Variants in PITPNM3 observed in about 807,000 individuals in gnomAD.
The protein encoded by PITPNM3 is membrane-associated phosphatidylinositol transfer protein 3.
Under a neutral mutation model 102.0 loss-of-function variants are expected in PITPNM3, and 26 were observed. The observed-to-expected ratio is 0.25, with a 90% confidence interval of 0.19 to 0.35. PITPNM3 has a LOEUF of 0.35. PITPNM3 is among the 10% of genes least tolerant of loss of function. PITPNM3 has a pLI of 1.00. For synonymous variants in PITPNM3, 578 were observed against 558.6 expected (o/e 1.03, Z -0.49); for missense variants, 1,083 against 1,346.1 (o/e 0.80, Z 3.06).
At chr17:6,506,507 G>A (rs1422122703) in intron 3 of PITPNM3, among the ~76,000 whole-genome samples, 1 of 151,878 alleles carries the variant, frequency 6.6e-6, no homozygotes, top group Non-Finnish European at 1.5e-5. Flanking sequence ...AAGTAGCTGG[G>A]ACTACAGGCA....
At chr17:6,552,817 A>G (rs1468416907) in intron 1 of PITPNM3, among the ~76,000 whole-genome samples, 3 of 122,058 alleles carry the variant, frequency 2.5e-5, no homozygotes, top group Admixed American at 1.1e-4. Flanking sequence ...CCCAGGCTGG[A>G]GTGCAACGGC....
At chr17:6,474,789 G>T (rs1198673753) in intron 9 of PITPNM3, among the ~76,000 whole-genome samples, 185 bp from the exon 10 acceptor site, 1 of 152,242 alleles carries the variant, frequency 6.6e-6, no homozygotes, top group African/African-American at 2.4e-5. Context: ...AGGCCTGGCT[G>T]ATATTTGGCT....
chr17:6,477,927 CT>C, intron 8 of PITPNM3, 47 bp downstream of exon 8: 1 of 1,605,872 alleles, frequency 6.2e-7, no homozygotes. Context: ...GGGGCAGGCC[CT>C]GCTCCTATGG....
chr17:6,527,474 T>A (rs1908899574), intron 2 of PITPNM3, among the ~76,000 whole-genome samples: 2 of 152,194 alleles, frequency 1.3e-5, no homozygotes, highest in Non-Finnish European at 2.9e-5. Flanking sequence ...CATGATGGTA[T>A]CATCATCACC....
At chr17:6,534,905 C>T (rs1349732481) in intron 2 of PITPNM3, among the ~76,000 whole-genome samples, 2 of 152,038 alleles carry the variant, frequency 1.3e-5, no homozygotes, top group African/African-American at 2.4e-5. Flanking sequence ...CAGGGCAGCA[C>T]GAAGCCCAGG....
At chr17:6,545,756 C>A (rs1909987511) in intron 1 of PITPNM3, among the ~76,000 whole-genome samples, 1 of 152,162 alleles carries the variant, frequency 6.6e-6, no homozygotes, top group South Asian at 2.1e-4. Flanking sequence ...GGGTGCCTGT[C>A]TCCTTGTGGG....
At chr17:6,508,633 G>A (rs1436221917) in intron 3 of PITPNM3, among the ~76,000 whole-genome samples, 1 of 152,170 alleles carries the variant, frequency 6.6e-6, no homozygotes, top group Non-Finnish European at 1.5e-5. Context: ...TTTGCAAGGG[G>A]TGCAGAGAGG....
intron 1 of PITPNM3, among the ~76,000 whole-genome samples, chr17:6,545,568 G>C (rs575039842): frequency 1.8e-4 from 28 of 152,270 alleles, no homozygotes; most frequent in Admixed American, 7.2e-4. Flanking sequence ...AGCAGCCTGG[G>C]CTTCAGCAGC....
At chr17:6,461,010 C>T in intron 18 of PITPNM3, 1 of 348,662 alleles carries the variant, frequency 2.9e-6, no homozygotes, top group South Asian at 2.6e-5. Context: ...AAAGCACATC[C>T]TCTGCCCCCC....
chr17:6,466,015 G>T (rs999739340), intron 14 of PITPNM3, among the ~76,000 whole-genome samples: 1 of 152,178 alleles, frequency 6.6e-6, no homozygotes, highest in Non-Finnish European at 1.5e-5. Context: ...TGCCCTCTGC[G>T]TAGAGTCCGG....
At chr17:6,460,613 T>C (rs1904392838) in intron 18 of PITPNM3, 1 of 152,516 alleles carries the variant, frequency 6.6e-6, no homozygotes, top group South Asian at 2.1e-4. Context: ...TTGAAATTCA[T>C]GTAATTTGCA....
intron 1 of PITPNM3, among the ~76,000 whole-genome samples, chr17:6,553,060 G>T (rs947533166): frequency 6.6e-6 from 1 of 152,038 alleles, no homozygotes; most frequent in African/African-American, 2.4e-5. Context: ...ACGAACCACC[G>T]CACCGAGCCC....
rs1390768738 is a variant in PITPNM3, at chr17:6,478,241, G to T, written c.778-144C>A. ...TGAGAGAGCCCAACTGGGAAGCAGTGTGCAAACTGGGGAGGGTCAGGGTTG... is the reference window on the plus strand; with the variant it reads ...TGAGAGAGCCCAACTGGGAAGCAGTTTGCAAACTGGGGAGGGTCAGGGTTG... On this transcript the variant is annotated intron_variant, in intron 7 of 19. Coordinates refer to ENST00000262483, the MANE Select transcript of PITPNM3 (RefSeq NM_031220.4). The surrounding 1 kb of genome is among the most constrained non-coding windows in gnomAD (Gnocchi z 4.4). 4 of 1,398,330 alleles carry T rather than the reference G, an allele frequency of 2.9e-6. No homozygotes were observed. The highest frequency in any genetic ancestry group is 3.9e-6 in the Non-Finnish European group (4 of 1,030,186). 86.6% of individuals were successfully genotyped at this position (1,398,330 alleles called of 1,614,324 possible).
chr17:6,508,636 C>T (rs1907684628), intron 3 of PITPNM3, among the ~76,000 whole-genome samples: 1 of 152,124 alleles, frequency 6.6e-6, no homozygotes, highest in South Asian at 2.1e-4. Flanking sequence ...GCAAGGGGTG[C>T]AGAGAGGATG....
At chr17:6,523,135 C>T (rs1441459292) in intron 3 of PITPNM3, among the ~76,000 whole-genome samples, 1 of 152,146 alleles carries the variant, frequency 6.6e-6, no homozygotes. Context: ...TACCAACCCT[C>T]GGACTCAGGT....
At chr17:6,497,188 G>A (rs1025361411) in intron 4 of PITPNM3, among the ~76,000 whole-genome samples, 24 of 152,310 alleles carry the variant, frequency 1.6e-4, no homozygotes, top group African/African-American at 5.3e-4. Flanking sequence ...GAGGCCAGCC[G>A]TGGGCAAGGG....
At chr17:6,462,099 C>A (rs542524443) in intron 17 of PITPNM3, among the ~76,000 whole-genome samples, 2 of 152,178 alleles carry the variant, frequency 1.3e-5, no homozygotes, top group South Asian at 4.1e-4. Context: ...CAACCTCCCA[C>A]GGTTTCAGTT....
intron 4 of PITPNM3, among the ~76,000 whole-genome samples, chr17:6,496,259 G>T (rs1266987348): frequency 3.3e-5 from 5 of 152,134 alleles, no homozygotes; most frequent in African/African-American, 9.6e-5. Context: ...GATCCTAAGT[G>T]CTCTATGCAA....
At chr17:6,481,065 G>A (rs567153549) in intron 6 of PITPNM3, 1 of 152,418 alleles carries the variant, frequency 6.6e-6, no homozygotes, top group East Asian at 1.9e-4. Context: ...CCTGCTGCGA[G>A]TTGGAAGTCT....
Sources: gnomAD v4.1 joint callset for allele counts (sites outside exome capture counted in the v4.1 genomes callset) on GRCh38, gnomAD v4.1.1 for gene constraint, Gnocchi (gnomAD v3.1) non-coding constraint, MANE v1.5 for transcripts, NCBI Gene and HGNC (gene_info 2026-07-23, HGNC 2026-07-21) for gene names.